The following TK2 variants were observed in gnomAD, a reference collection of about 807,000 sequenced individuals.
TK2 encodes the protein thymidine kinase 2, also known as thymidine kinase 2, mitochondrial.
TK2 carries 35 observed loss-of-function variants against 41.9 expected under a neutral mutation model. The observed-to-expected ratio is 0.84, with a 90% CI of 0.64 to 1.11. The LOEUF (loss-of-function observed/expected upper bound fraction) is 1.11, where lower values mean the gene tolerates loss of function less well. Among genes scored for constraint, TK2 ranks in the 50% least tolerant of loss-of-function variants. The pLI is 0.00. For missense variants in TK2, 320 were observed against 351.1 expected (o/e 0.91, Z 0.71); for synonymous variants, 128 against 129.1 (o/e 0.99, Z 0.06).
chr16:66,518,009 G>A, intron 6 of TK2, 132 bp from the exon 7 acceptor site: 1 of 778,658 alleles, frequency 1.3e-6, no homozygotes, highest in Non-Finnish European at 2.3e-6. Context: ...TGTGATCCGT[G>A]CAATACTGGA....
At chr16:66,519,454 C>T (rs1009318173) in intron 6 of TK2, among the ~76,000 whole-genome samples, 1 of 152,172 alleles carries the variant, frequency 6.6e-6, no homozygotes, top group Non-Finnish European at 1.5e-5. Flanking sequence ...GCTGGGATTA[C>T]AGGCATGAGC....
At chr16:66,538,695 A>G (rs760717486) in intron 3 of TK2, among the ~76,000 whole-genome samples, 2 of 152,224 alleles carry the variant, frequency 1.3e-5, no homozygotes, top group Non-Finnish European at 2.9e-5. Context: ...GAAGTGGTAT[A>G]AAAGAGAGGT....
intron 6 of TK2, among the ~76,000 whole-genome samples, chr16:66,526,297 T>C (rs1263677737): frequency 2.0e-5 from 3 of 152,116 alleles, no homozygotes; most frequent in Non-Finnish European, 4.4e-5. Flanking sequence ...GAATCAGAGA[T>C]GAGAGATGGG....
chr16:66,516,116 G>A (rs1352809910), intron 8 of TK2, among the ~76,000 whole-genome samples: 2 of 149,796 alleles, frequency 1.3e-5, no homozygotes, highest in Admixed American at 6.7e-5. Flanking sequence ...TGAGGGATGG[G>A]GAACAAAGGT....
chr16:66,531,038 T>C (rs1965094453), intron 5 of TK2, among the ~76,000 whole-genome samples: 1 of 152,212 alleles, frequency 6.6e-6, no homozygotes, highest in African/African-American at 2.4e-5. Flanking sequence ...TGTGCATTTC[T>C]AACAAGTTTC....
intron 1 of TK2, 119 bp from the exon 2 acceptor site, chr16:66,549,128 T>A: frequency 6.4e-7 from 1 of 1,559,980 alleles, no homozygotes; most frequent in Non-Finnish European, 8.7e-7. Context: ...CTAAAAACAT[T>A]TTCCATTTTG....
chr16:66,529,137 T>A (rs1222054767), intron 5 of TK2, 70 bp from the exon 6 acceptor site: 2 of 1,420,382 alleles, frequency 1.4e-6, no homozygotes, highest in African/African-American at 1.4e-5. Context: ...TTGAGAAATG[T>A]CTGTTACTCC....
chr16:66,544,269 G>A (rs1965540224), intron 2 of TK2, among the ~76,000 whole-genome samples: 1 of 152,122 alleles, frequency 6.6e-6, no homozygotes, highest in South Asian at 2.1e-4. Context: ...AGCAAGCAAA[G>A]GGAGTCTTTA....
chr16:66,518,131 T>C (rs1959187180), intron 6 of TK2: 3 of 524,422 alleles, frequency 5.7e-6, no homozygotes, highest in Non-Finnish European at 1.0e-5. Context: ...TCACTTGGGA[T>C]TGGAACTCTA....
chr16:66,527,986 C>G (rs1443103635), intron 6 of TK2, among the ~76,000 whole-genome samples: 1 of 151,074 alleles, frequency 6.6e-6, no homozygotes, highest in Non-Finnish European at 1.5e-5. Context: ...GAGCTGAGAT[C>G]GTGCCCCCGT....
chr16:66,550,087 C>G lies in TK2; in HGVS notation c.-26G>C, dbSNP rs1301622752. 6.2e-7 allele frequency: 1 copy of G among 1,603,126 alleles called. No homozygotes were observed. Among genetic ancestry groups the G allele is most frequent in the Non-Finnish European group, 8.5e-7 (1 of 1,176,140 alleles). ...AGCCGGGCGAGCGGATCCAGAGGCCCGGGGTTCCTTCTTGTGCGAGTCGGC... is the reference window on the plus strand; with the variant it reads ...AGCCGGGCGAGCGGATCCAGAGGCCGGGGGTTCCTTCTTGTGCGAGTCGGC... On this transcript the variant is annotated 5_prime_UTR_variant, in exon 1 of 10. Transcript: ENST00000544898.
intron 2 of TK2, among the ~76,000 whole-genome samples, chr16:66,544,663 T>G (rs1474420043): frequency 1.3e-5 from 2 of 152,270 alleles, no homozygotes; most frequent in Non-Finnish European, 2.9e-5. Flanking sequence ...TCCATTTTCC[T>G]CTGCTATGAG....
In TK2 at chr16:66,549,248, C is replaced by T. The variant is rs1965705324; in HGVS notation, c.125-239G>A. The T allele has an allele frequency of 2.9e-6, 4 of 1,357,982 alleles. No individual in the cohort carries two copies. The South Asian group carries it at 6.6e-5, about 23-fold the overall frequency. 84.1% of individuals were successfully genotyped at this position (1,357,982 alleles called of 1,614,324 possible). A position where few individuals can be genotyped will look rare whatever the true frequency, so the allele number is the denominator to read the frequency against. ...TGTGCTCGAGTTCTTTCACTTAGTA[C>T]ATTATACTTTGCATTTTCCACGTTA... On this transcript the variant is annotated intron_variant, in intron 1 of 9. Transcript: ENST00000544898.
chr16:66,549,732 G>T, intron 1 of TK2: 1 of 1,279,550 alleles, frequency 7.8e-7, no homozygotes, highest in Non-Finnish European at 9.8e-7. Flanking sequence ...CTCCATCCCA[G>T]AACCAAAGCC....
chr16:66,509,580 T>G lies in TK2; in HGVS notation c.*2388A>C, dbSNP rs1317465764. The G allele has an allele frequency of 2.0e-5, 3 of 152,282 alleles. No homozygotes were observed. The allele number at this position is 152,282 out of a possible 1,614,324, so 9.4% of individuals were successfully genotyped here. A position where few individuals can be genotyped will look rare whatever the true frequency, so the allele number is the denominator to read the frequency against. ...GAGAGGTAGAGCAGCTGAGCAGCTC[T>G]GCGGTGTACTGACTTCATGTCCCCA... On this transcript the variant is annotated 3_prime_UTR_variant, in exon 10 of 10. Coordinates refer to ENST00000544898, the MANE Select transcript of TK2 (RefSeq NM_004614.5).
chr16:66,519,803 G>C (rs1964726582), intron 6 of TK2, among the ~76,000 whole-genome samples: 1 of 152,206 alleles, frequency 6.6e-6, no homozygotes, highest in South Asian at 2.1e-4. Flanking sequence ...GGCCGTACCT[G>C]AGCCATGTGC....
At chr16:66,539,603 A>G (rs982551994) in intron 3 of TK2, among the ~76,000 whole-genome samples, 26 of 108,800 alleles carry the variant, frequency 2.4e-4, no homozygotes, top group Non-Finnish European at 3.4e-4. Flanking sequence ...TCCATCTCAG[A>G]AAAAAAAAAA....
Position 66,517,646 on chromosome 16 carries a change from G to C in TK2, c.538+143C>G. 2.6e-6 allele frequency: 2 copies of C among 772,906 alleles called. No individual in the cohort carries two copies. The highest frequency in any genetic ancestry group is 3.9e-5 in the Admixed American group (2 of 51,628). 47.9% of individuals were successfully genotyped at this position (772,906 alleles called of 1,614,324 possible). On this transcript the variant is annotated intron_variant, in intron 7 of 9. Transcript: ENST00000544898. The surrounding 1 kb of genome is among the most constrained non-coding windows in gnomAD (Gnocchi z 4.3). ...GTCCCGAATTCTGTCTGCCCTCAGG[G>C]AGAAAGCTGAACTCCCATGGGGAAG... is the stretch of plus-strand genomic sequence containing the variant.
intron 3 of TK2, among the ~76,000 whole-genome samples, chr16:66,539,474 G>A (rs999601639): frequency 4.0e-5 from 6 of 151,848 alleles, no homozygotes; most frequent in Admixed American, 3.9e-4. Flanking sequence ...GGTGGTGGGT[G>A]CTTGTAATCC....
Sources: gnomAD v4.1 joint callset for allele counts (sites outside exome capture counted in the v4.1 genomes callset) on GRCh38, gnomAD v4.1.1 for gene constraint, Gnocchi (gnomAD v3.1) non-coding constraint, MANE v1.5 for transcripts, NCBI Gene and HGNC (gene_info 2026-07-23, HGNC 2026-07-21) for gene names.